RBL2: variants seen among roughly 807,000 people sequenced by gnomAD.
RBL2 encodes RB transcriptional corepressor like 2.
A neutral mutation model predicts 126.0 loss-of-function variants in RBL2; 56 were observed. The observed-to-expected ratio is 0.44, with a 90% CI of 0.36 to 0.56. The LOEUF is 0.56. Among genes scored for constraint, RBL2 ranks in the 20% least tolerant of loss-of-function variants. The pLI is 0.00. For missense variants in RBL2, 1,229 were observed against 1,398.2 expected (o/e 0.88, Z 1.93); for synonymous variants, 454 against 478.5 (o/e 0.95, Z 0.67).
At chr16:53,468,750 T>C (rs889361497) in intron 14 of RBL2, among the ~76,000 whole-genome samples, 2 of 152,210 alleles carry the variant, frequency 1.3e-5, no homozygotes, top group Non-Finnish European at 2.9e-5. Flanking sequence ...TCTTACAAAC[T>C]TTCTATGTAT....
chr16:53,462,599 G>T lies in RBL2; in HGVS notation c.1504G>T (p.Val502Leu). 6.4e-7 allele frequency: 1 copy of T among 1,571,600 alleles called. No homozygotes were observed. Among genetic ancestry groups the T allele is most frequent in the Non-Finnish European group, 8.6e-7 (1 of 1,167,156 alleles). ...TTTTGCGGAGATGCTTTACTATAAA[G>T]TATTAGAATCTGTTATTGAGCAGGA... The part of the protein sequence containing the change: ...FRFAEMLYYK[V>L]LESVIEQEQK... The change falls in exon 11 of 22, where the codon GTA becomes TTA. Residue 502 changes from valine to leucine, a missense_variant. Coordinates refer to ENST00000262133, the MANE Select transcript of RBL2 (RefSeq NM_005611.4).
intron 2 of RBL2, 96 bp downstream of exon 2, chr16:53,439,242 C>T (rs1181643551): frequency 2.6e-6 from 3 of 1,169,442 alleles, no homozygotes; most frequent in South Asian, 5.0e-5. Context: ...ATTTTCTGAG[C>T]ATTTGTACCT....
At chr16:53,438,172 T>C (rs993328859) in intron 1 of RBL2, among the ~76,000 whole-genome samples, 1 of 152,186 alleles carries the variant, frequency 6.6e-6, no homozygotes, top group East Asian at 1.9e-4. Context: ...CTGGGGACAG[T>C]GTGGATGTCA....
At chr16:53,476,278 T>C (rs926354714) in intron 17 of RBL2, among the ~76,000 whole-genome samples, 1 of 152,234 alleles carries the variant, frequency 6.6e-6, no homozygotes, top group Non-Finnish European at 1.5e-5. Flanking sequence ...TGTAGCAATA[T>C]GTTGTTAACT....
chr16:53,486,161 G>A (rs368973779), intron 21 of RBL2, among the ~76,000 whole-genome samples: 1 of 150,586 alleles, frequency 6.6e-6, no homozygotes, highest in Non-Finnish European at 1.5e-5. Flanking sequence ...GTGTGGTGGG[G>A]TTGGTGAGGT....
At chr16:53,479,292 C>T (rs1222467167) in intron 18 of RBL2, 67 bp downstream of exon 18, 18 of 1,406,970 alleles carry the variant, frequency 1.3e-5, no homozygotes, top group African/African-American at 2.8e-5. Context: ...AAAAAATTAA[C>T]CATAGTTGAC....
intron 4 of RBL2, among the ~76,000 whole-genome samples, chr16:53,447,471 A>G (rs999682008): frequency 6.6e-6 from 1 of 151,994 alleles, no homozygotes; most frequent in Non-Finnish European, 1.5e-5. Context: ...TTACTGATCA[A>G]CCTCAGAGCT....
chr16:53,446,988 T>A (rs1367545427), intron 3 of RBL2, 54 bp from the exon 4 acceptor site: 1 of 1,101,124 alleles, frequency 9.1e-7, no homozygotes. Context: ...CATTTGGGAT[T>A]TTTTTTTCTG....
intron 3 of RBL2, 64 bp from the exon 4 acceptor site, chr16:53,446,978 C>G: frequency 1.0e-6 from 1 of 977,958 alleles, no homozygotes. Context: ...GATTTATAAT[C>G]ATTTGGGATT....
intron 14 of RBL2, 23 bp downstream of exon 14, chr16:53,467,192 A>G (rs764911349): frequency 2.6e-6 from 4 of 1,558,348 alleles, no homozygotes; most frequent in East Asian, 2.2e-5. Context: ...TACTAGGAGA[A>G]TATTTTGGGG....
intron 3 of RBL2, among the ~76,000 whole-genome samples, chr16:53,445,233 G>A (rs147281869): frequency 6.6e-6 from 1 of 151,720 alleles, no homozygotes; most frequent in African/African-American, 2.4e-5. Context: ...AGGCTGAGGT[G>A]GGGGGATCAC....
chr16:53,449,915 C>T (rs1417152919), intron 4 of RBL2, among the ~76,000 whole-genome samples: 1 of 143,028 alleles, frequency 7.0e-6, no homozygotes, highest in Non-Finnish European at 1.5e-5. Context: ...AGATTCTGAT[C>T]TTTAGGGGCA....
intron 9 of RBL2, among the ~76,000 whole-genome samples, chr16:53,461,370 G>A (rs1245956149): frequency 2.6e-5 from 4 of 152,174 alleles, no homozygotes; most frequent in African/African-American, 9.6e-5. Context: ...GCAGGTGCCT[G>A]CAGTTCCAGC....
At chr16:53,467,844 A>G (rs74552882) in intron 14 of RBL2, among the ~76,000 whole-genome samples, 1,953 of 152,348 alleles carry the variant, frequency 0.013, 51 homozygotes, top group African/African-American at 0.044. Context: ...AATACATATT[A>G]CTTTTAAAAT....
chr16:53,440,120 A>T (rs2058000904), intron 2 of RBL2, among the ~76,000 whole-genome samples: 2 of 151,912 alleles, frequency 1.3e-5, no homozygotes, highest in African/African-American at 4.8e-5. Context: ...ATATGGTGAA[A>T]CCCCGTCTCA....
intron 20 of RBL2, 137 bp downstream of exon 20, chr16:53,480,906 C>T (rs1229043397): frequency 4.9e-6 from 4 of 822,092 alleles, no homozygotes; most frequent in Non-Finnish European, 7.5e-6. Context: ...CACCTGTAAT[C>T]CCAGCACTTT....
Position 53,469,978 on chromosome 16 carries a change from A to T in RBL2, c.2038A>T (p.Arg680Trp), listed in dbSNP as rs2058305964. ...CTCCCCACCAGCCAGCACTACCAGAAGGCGGCTATTTGTTGAGAATGATAG... is the reference window on the plus strand; with the variant it reads ...CTCCCCACCAGCCAGCACTACCAGATGGCGGCTATTTGTTGAGAATGATAG... ...YSSPPASTTR[R>W]RLFVENDSPS... is the part of the protein sequence containing the mutation. The change falls in exon 15 of 22, where the codon AGG (arginine) becomes TGG (tryptophan). Residue 680 changes from arginine (R) to tryptophan (W), a missense_variant. Physicochemically the swap from Arg to Trp is moderately radical, Grantham distance 101. Coordinates refer to ENST00000262133, the MANE Select transcript of RBL2 (RefSeq NM_005611.4). 1 of 1,613,914 alleles carries T rather than the reference A, an allele frequency of 6.2e-7. No homozygotes were observed. The highest frequency in any genetic ancestry group is 1.3e-5 in the African/African-American group (1 of 74,952).
chr16:53,488,618 A>AATC (rs1436472023), intron 21 of RBL2: 9 of 152,232 alleles, frequency 5.9e-5, no homozygotes, highest in Admixed American at 4.6e-4. Context: ...GTCTAGAACC[A>AATC]ATCTATAACG....
chr16:53,480,264 C>T, intron 19 of RBL2: 1 of 521,296 alleles, frequency 1.9e-6, no homozygotes, highest in Non-Finnish European at 3.4e-6. Context: ...CAATTGGAAC[C>T]ATGCTATGGA....
Sources: allele counts gnomAD v4.1 joint callset (sites outside exome capture counted in the v4.1 genomes callset), GRCh38; gene constraint gnomAD v4.1.1; transcripts MANE v1.5; gene names NCBI Gene and HGNC (gene_info 2026-07-23, HGNC 2026-07-21).